The following DLG2 variants were observed in gnomAD, a reference collection of about 807,000 sequenced individuals.
DLG2 encodes disks large homolog 2.
In DLG2, 45 loss-of-function variants were observed where a neutral mutation model predicts 132.5. That is an observed-to-expected ratio of 0.34 (90% CI 0.27 to 0.44). The LOEUF is 0.44. Among genes scored for constraint, DLG2 ranks in the 20% least tolerant of loss-of-function variants. The pLI is 1.00. For synonymous variants in DLG2, 424 were observed against 419.6 expected (o/e 1.01, Z -0.13); for missense variants, 1,045 against 1,196.9 (o/e 0.87, Z 1.87).
rs932123807 is a variant in DLG2, at chr11:84,915,675, GATTA to G, written c.357+195982_357+195985del. Among the ~76,000 whole-genome samples the G allele has an allele frequency of 3.8e-4, 58 of 152,248 alleles. 1 individual carries two copies. The highest frequency in any genetic ancestry group is 3.4e-3 in the Middle Eastern group (1 of 294). On this transcript the variant is annotated intron_variant, in intron 6 of 27. Transcript: ENST00000376104. ...AACATTAGAGAGGAAATTAATTAGA[GATTA>G]ATTAATTAATCTTAATTTTTCATTA...
intron 3 of DLG2, among the ~76,000 whole-genome samples, chr11:85,298,736 A>G (rs577473343): frequency 1.5e-3 from 235 of 152,190 alleles, no homozygotes; most frequent in Admixed American, 2.7e-3. Flanking sequence ...TTAATTTCCC[A>G]TTAATACCAA....
At chr11:84,361,031 A>T in intron 7 of DLG2, among the ~76,000 whole-genome samples, 1 of 151,940 alleles carries the variant, frequency 6.6e-6, no homozygotes, top group East Asian at 1.9e-4. Context: ...AAAAGAAGAA[A>T]CCAGTTAACT....
chr11:84,200,759 G>A (rs572500388), intron 8 of DLG2, among the ~76,000 whole-genome samples: 7 of 152,052 alleles, frequency 4.6e-5, no homozygotes, highest in South Asian at 4.2e-4. Flanking sequence ...GCCTGTTGTC[G>A]GTTTAAAGGA....
At chr11:84,075,929 T>C (rs2096824480) in intron 10 of DLG2, among the ~76,000 whole-genome samples, 1 of 152,176 alleles carries the variant, frequency 6.6e-6, no homozygotes, top group Non-Finnish European at 1.5e-5. Flanking sequence ...TATTTGCAAA[T>C]GGTATGCTTA....
intron 3 of DLG2, among the ~76,000 whole-genome samples, chr11:85,498,298 G>A (rs193038337): frequency 2.0e-5 from 3 of 152,260 alleles, no homozygotes; most frequent in African/African-American, 7.2e-5. Context: ...TGATAAAACA[G>A]ACTTTAAACG....
chr11:84,375,388 A>C (rs767153393), intron 7 of DLG2, among the ~76,000 whole-genome samples: 1 of 152,140 alleles, frequency 6.6e-6, no homozygotes, highest in South Asian at 2.1e-4. Context: ...AACAATATAT[A>C]TAAAACTTAC....
intron 6 of DLG2, among the ~76,000 whole-genome samples, chr11:84,752,562 TTC>T (rs1474946976): frequency 1.4e-5 from 2 of 139,308 alleles, no homozygotes; most frequent in African/African-American, 5.4e-5. Context: ...GGTTTTCTTT[TTC>T]TTTTTTTTTT....
At chr11:85,107,688 G>A (rs2071998104) in intron 6 of DLG2, among the ~76,000 whole-genome samples, 1 of 151,896 alleles carries the variant, frequency 6.6e-6, no homozygotes, top group African/African-American at 2.4e-5. Context: ...ACAAACCAAT[G>A]AGGCATATAA....
At chr11:83,555,502 G>A (rs1190979741) in intron 19 of DLG2, among the ~76,000 whole-genome samples, 4 of 152,274 alleles carry the variant, frequency 2.6e-5, no homozygotes, top group African/African-American at 9.6e-5. Flanking sequence ...GCAATAGGAT[G>A]GACAGAGGTC....
chr11:85,489,091 A>G (rs2093498637), intron 3 of DLG2, among the ~76,000 whole-genome samples: 1 of 152,230 alleles, frequency 6.6e-6, no homozygotes, highest in African/African-American at 2.4e-5. Flanking sequence ...AACCTTGAAC[A>G]TATACAATTA....
intron 9 of DLG2, among the ~76,000 whole-genome samples, chr11:84,152,333 T>TTTGC (rs2095316399): frequency 6.7e-6 from 1 of 148,292 alleles, no homozygotes; most frequent in Non-Finnish European, 1.5e-5. Flanking sequence ...TTAAAATCTG[T>TTTGC]TTGTTTGTTT....
intron 7 of DLG2, among the ~76,000 whole-genome samples, chr11:84,263,118 G>T (rs1396580048): frequency 1.3e-5 from 2 of 152,102 alleles, no homozygotes; most frequent in African/African-American, 4.8e-5. Context: ...AGTCTCCCCA[G>T]TTAGTTTTAT....
At chr11:85,131,435 A>T (rs1313016840) in intron 5 of DLG2, among the ~76,000 whole-genome samples, 2 of 152,174 alleles carry the variant, frequency 1.3e-5, no homozygotes, top group East Asian at 3.8e-4. Flanking sequence ...CACCTCAGGA[A>T]GAGTAACATA....
At chr11:83,927,545 A>C (rs1450258845) in intron 15 of DLG2, among the ~76,000 whole-genome samples, 1 of 152,152 alleles carries the variant, frequency 6.6e-6, no homozygotes, top group Non-Finnish European at 1.5e-5. Flanking sequence ...TTTGTGAATA[A>C]AAAGAAGGCC....
chr11:83,527,498 C>A (rs527296348), intron 21 of DLG2, among the ~76,000 whole-genome samples: 1 of 152,108 alleles, frequency 6.6e-6, no homozygotes, highest in East Asian at 1.9e-4. Context: ...ATTCCTTGAG[C>A]CCAAGAGTTT....
intron 3 of DLG2, among the ~76,000 whole-genome samples, chr11:85,382,084 A>C (rs1361915236): frequency 6.6e-6 from 1 of 152,180 alleles, no homozygotes; most frequent in Admixed American, 6.5e-5. Context: ...AATCTTGAAA[A>C]AGATGAACAA....
rs1028132056 is a variant in DLG2 at position 84,827,470 on chromosome 11, A to G, written c.357+284191T>C. ...AATAGGAAGCACAGAAGCAATTTAG[A>G]TTTTTGAACTTAGGAGGATAATATT... On this transcript the variant is annotated intron_variant, in intron 6 of 27. Coordinates refer to ENST00000376104, the MANE Select transcript of DLG2 (RefSeq NM_001142699.3). 7.9e-5 allele frequency among the ~76,000 whole-genome samples: 12 copies of G among 151,690 alleles called. No homozygotes were observed. In the East Asian group the frequency reaches 2.3e-3, roughly 30 times the overall value.
At chr11:84,371,959 G>C (rs1162889271) in intron 7 of DLG2, among the ~76,000 whole-genome samples, 2 of 152,140 alleles carry the variant, frequency 1.3e-5, no homozygotes, top group Non-Finnish European at 2.9e-5. Context: ...CTGTATTTTA[G>C]TATGTGATTT....
chr11:84,355,325 A>T (rs1238793699), intron 7 of DLG2, among the ~76,000 whole-genome samples: 1 of 152,108 alleles, frequency 6.6e-6, no homozygotes, highest in Non-Finnish European at 1.5e-5. Context: ...CAAAATTTAT[A>T]TGTTGAAATC....
Sources: gnomAD v4.1 joint callset for allele counts (sites outside exome capture counted in the v4.1 genomes callset) on GRCh38, gnomAD v4.1.1 for gene constraint, MANE v1.5 for transcripts, NCBI Gene and HGNC (gene_info 2026-07-23, HGNC 2026-07-21) for gene names.